Variants in KLHL29 observed in about 807,000 individuals in gnomAD.
The protein encoded by KLHL29 is kelch-like protein 29.
Under a neutral mutation model 80.4 loss-of-function variants are expected in KLHL29, and 21 were observed. That is an observed-to-expected ratio of 0.26 (90% confidence interval 0.19 to 0.38). The LOEUF (loss-of-function observed/expected upper bound fraction) is 0.38. Ranked by LOEUF, KLHL29 falls within the 10% of genes least tolerant of loss-of-function variation. The pLI, the probability that KLHL29 is intolerant of heterozygous loss-of-function variation, is 1.00. For missense variants in KLHL29, 867 were observed against 1,223.9 expected (o/e 0.71, Z 4.35); for synonymous variants, 511 against 526.8 (o/e 0.97, Z 0.41).
chr2:23,637,207 C>G (rs1367702294), intron 3 of KLHL29, among the ~76,000 whole-genome samples: 1 of 152,202 alleles, frequency 6.6e-6, no homozygotes, highest in African/African-American at 2.4e-5. Context: ...GCCTCTGATT[C>G]CGAGGAAAGC....
intron 3 of KLHL29, among the ~76,000 whole-genome samples, chr2:23,634,148 C>T (rs984922049): frequency 6.6e-6 from 1 of 152,030 alleles, no homozygotes. Flanking sequence ...TGCCCCTGAC[C>T]CAGAGTGCGT....
intron 1 of KLHL29, among the ~76,000 whole-genome samples, chr2:23,453,144 G>A (rs1276335964): frequency 6.6e-6 from 1 of 151,264 alleles, no homozygotes; most frequent in South Asian, 2.1e-4. Context: ...TTTAAAAAAC[G>A]TTTCTTGTCT....
At chr2:23,636,499 C>T (rs938118545) in intron 3 of KLHL29, among the ~76,000 whole-genome samples, 4 of 152,164 alleles carry the variant, frequency 2.6e-5, no homozygotes, top group Admixed American at 1.3e-4. Context: ...AACAGCAGGC[C>T]GGTTGTAGCC....
chr2:23,502,830 TAGA>T (rs1665492743), intron 2 of KLHL29, among the ~76,000 whole-genome samples: 1 of 152,190 alleles, frequency 6.6e-6, no homozygotes, highest in African/African-American at 2.4e-5. Context: ...CACTTCCAGA[TAGA>T]AGAAGCCAGG....
intron 1 of KLHL29, among the ~76,000 whole-genome samples, chr2:23,455,875 G>C (rs940170092): frequency 2.6e-5 from 4 of 152,044 alleles, no homozygotes. Context: ...GGCTGTATTT[G>C]GACATAGGGC....
At position 23,385,749 on chromosome 2, in the gene KLHL29, C is replaced by T. The variant is rs1375966470; in HGVS notation, c.-185C>T. 7.1e-6 allele frequency: 1 copy of T among 140,568 alleles called. No homozygotes were observed. Among genetic ancestry groups the T allele is most frequent in the East Asian group, 2.3e-4 (1 of 4,300 alleles). The allele number at this position is 140,568 out of a possible 1,614,324, so 8.7% of individuals were successfully genotyped here. ...CACCCGCGACCCCGGGCTCTCTGCG[C>T]GTCGGGCCGGGGCCGGAGCCGCGCG... is the stretch of plus-strand genomic sequence containing the variant. On this transcript the variant is annotated 5_prime_UTR_variant, in exon 1 of 14. Coordinates refer to ENST00000486442, the MANE Select transcript of KLHL29 (RefSeq NM_052920.2).
intron 3 of KLHL29, among the ~76,000 whole-genome samples, chr2:23,608,990 G>A (rs528257334): frequency 6.6e-6 from 1 of 152,312 alleles, no homozygotes; most frequent in South Asian, 2.1e-4. Flanking sequence ...TTACAATGGA[G>A]GTTTAGTATG....
At chr2:23,422,144 T>C (rs1389793423) in intron 1 of KLHL29, among the ~76,000 whole-genome samples, 1 of 151,928 alleles carries the variant, frequency 6.6e-6, no homozygotes, top group African/African-American at 2.4e-5. Context: ...GTTGTGTGTG[T>C]CTGTGTGAGT....
chr2:23,538,300 G>A (rs72793537), intron 2 of KLHL29, among the ~76,000 whole-genome samples: 41 of 152,332 alleles, frequency 2.7e-4, no homozygotes, highest in Non-Finnish European at 3.5e-4. Context: ...CACACTTTGA[G>A]AAACAAAGAT....
intron 2 of KLHL29, among the ~76,000 whole-genome samples, chr2:23,524,724 G>C (rs1666244989): frequency 6.6e-6 from 1 of 152,228 alleles, no homozygotes; most frequent in Non-Finnish European, 1.5e-5. Context: ...CCTCCCAAGA[G>C]TCCAGAAAGC....
chr2:23,510,103 G>A (rs1319586243), intron 2 of KLHL29, among the ~76,000 whole-genome samples: 2 of 152,104 alleles, frequency 1.3e-5, no homozygotes, highest in Non-Finnish European at 2.9e-5. Flanking sequence ...GAAATGAGAC[G>A]GAGGTGGAGC....
At chr2:23,643,307 T>TACATG in intron 5 of KLHL29, 1 of 306,916 alleles carries the variant, frequency 3.3e-6, no homozygotes, top group Non-Finnish European at 6.5e-6. Flanking sequence ...GGGAAGGCAC[T>TACATG]CTCTGTCGTG....
chr2:23,548,306 C>T (rs1024136445), intron 2 of KLHL29, among the ~76,000 whole-genome samples: 5 of 151,290 alleles, frequency 3.3e-5, no homozygotes, highest in African/African-American at 1.2e-4. Flanking sequence ...CACACAGGCA[C>T]ACACACACAC....
chr2:23,438,885 G>A (rs1425013334), intron 1 of KLHL29, among the ~76,000 whole-genome samples: 1 of 150,690 alleles, frequency 6.6e-6, no homozygotes, highest in Non-Finnish European at 1.5e-5. Context: ...AGAAGGAATG[G>A]TACCAGTTCC....
rs753917188 is a variant in KLHL29 at position 23,484,662 on chromosome 2, C to G, written c.-46+8995C>G. On this transcript the variant is annotated intron_variant, in intron 2 of 13. Coordinates refer to ENST00000486442, the MANE Select transcript of KLHL29 (RefSeq NM_052920.2). ...GAGAGGAGGTGTCCTCCCTCTCCAT[C>G]TCAGAACAGTGTGATTATTTATTTA... Among the ~76,000 whole-genome samples the G allele has an allele frequency of 3.9e-4, 60 of 152,348 alleles. No homozygotes were observed. The Middle Eastern group carries it at 0.014, about 35-fold the overall frequency.
At chr2:23,632,977 GTC>G in intron 3 of KLHL29, among the ~76,000 whole-genome samples, 1 of 118,722 alleles carries the variant, frequency 8.4e-6, no homozygotes, top group African/African-American at 2.8e-5. Context: ...AGTTCCAAAA[GTC>G]TGGCATGGCC....
At chr2:23,497,759 C>T (rs1653750) in intron 2 of KLHL29, among the ~76,000 whole-genome samples, 105,347 of 152,022 alleles carry the variant, frequency 0.69, 36,850 homozygotes, top group African/African-American at 0.78. Flanking sequence ...GAGGCTGGTG[C>T]GTGCATGTGA....
At chr2:23,626,716 C>T (rs986364684) in intron 3 of KLHL29, among the ~76,000 whole-genome samples, 4 of 152,334 alleles carry the variant, frequency 2.6e-5, no homozygotes, top group Middle Eastern at 3.4e-3. Context: ...GAGGCCCCGC[C>T]GCCCTGCCTG....
chr2:23,421,987 G>GTTTT (rs1183191915), intron 1 of KLHL29, among the ~76,000 whole-genome samples: 4 of 103,802 alleles, frequency 3.9e-5, no homozygotes, highest in South Asian at 3.0e-4. Context: ...GTGTGTTCAT[G>GTTTT]TGTTTGTCTC....
Sources: allele counts gnomAD v4.1 joint callset (sites outside exome capture counted in the v4.1 genomes callset), GRCh38; gene constraint gnomAD v4.1.1; transcripts MANE v1.5; gene names NCBI Gene and HGNC (gene_info 2026-07-23, HGNC 2026-07-21).